Variants in ADAMTS20 observed in about 807,000 individuals in gnomAD.
ADAMTS20 encodes the protein ADAM metallopeptidase with thrombospondin type 1 motif 20.
ADAMTS20 carries 225 observed loss-of-function variants against 260.1 expected under a neutral mutation model. The ratio of observed to expected loss-of-function variants is 0.87; its 90% confidence interval spans 0.78 to 0.97. The LOEUF is 0.97. ADAMTS20 is among the 50% of genes least tolerant of loss of function. ADAMTS20 has a pLI of 0.00. For missense variants in ADAMTS20, 2,400 were observed against 2,337.7 expected, an observed-to-expected ratio of 1.03 and a Z score of -0.55; for synonymous variants, 802 against 769.5, an observed-to-expected ratio of 1.04 and a Z score of -0.70.
At chr12:43,502,805 G>C (rs1209813689) in intron 3 of ADAMTS20, among the ~76,000 whole-genome samples, 1 of 152,030 alleles carries the variant, frequency 6.6e-6, no homozygotes, top group Non-Finnish European at 1.5e-5. Context: ...TTACAGAGTA[G>C]TACCATTTTG....
At chr12:43,375,318 T>C (rs1940199301) in intron 36 of ADAMTS20, 61 bp downstream of exon 36, 7 of 1,551,636 alleles carry the variant, frequency 4.5e-6, no homozygotes, top group Non-Finnish European at 6.1e-6. Flanking sequence ...ACCAACATAT[T>C]GTTTGACGTT....
intron 29 of ADAMTS20, among the ~76,000 whole-genome samples, chr12:43,397,084 T>A (rs2137248889): frequency 6.6e-6 from 1 of 152,236 alleles, no homozygotes; most frequent in Non-Finnish European, 1.5e-5. Flanking sequence ...TCTATCCAGA[T>A]CAAGTAAGGC....
intron 3 of ADAMTS20, among the ~76,000 whole-genome samples, chr12:43,507,082 C>A (rs975928038): frequency 5.3e-5 from 8 of 152,012 alleles, no homozygotes. Context: ...TGGAAATTTG[C>A]TAAGAGAATA....
At chr12:43,353,094 TTC>T (rs1939670085), downstream of ADAMTS20, among the ~76,000 whole-genome samples, 1 of 152,090 alleles carries the variant, frequency 6.6e-6, no homozygotes, top group Non-Finnish European at 1.5e-5. Flanking sequence ...CCGAGTAGAT[TTC>T]CATAGAAAAA....
At chr12:43,384,037 T>C in intron 29 of ADAMTS20, 60 bp from the exon 30 acceptor site, 2 of 1,456,466 alleles carry the variant, frequency 1.4e-6, no homozygotes, top group Non-Finnish European at 1.8e-6. Context: ...TATATAAAAG[T>C]AGCCAATGGA....
chr12:43,447,842 C>T (rs1941791275), intron 14 of ADAMTS20, among the ~76,000 whole-genome samples: 1 of 151,998 alleles, frequency 6.6e-6, no homozygotes, highest in South Asian at 2.1e-4. Context: ...TCCTACACAC[C>T]AATATTAACA....
chr12:43,427,324 T>G lies in ADAMTS20; in HGVS notation c.4091A>C (p.Tyr1364Ser). Reference sequence around the variant, plus strand: ...ATGACTTACTTCTCCCCAATTTCCGTAGTTCCACTGTGGACAAGGCCCTGG... The same window carrying G: ...ATGACTTACTTCTCCCCAATTTCCGGAGTTCCACTGTGGACAAGGCCCTGG... ...CGPGPCPQWN[Y>S]GNWGECSQTC... The change falls in exon 27 of 39, where the codon TAC becomes TCC. Residue 1364 changes from tyrosine (Y) to serine (S), a missense_variant. Transcript: ENST00000389420. 1 of 1,611,964 alleles carries G rather than the reference T, an allele frequency of 6.2e-7. No homozygotes were observed. The highest frequency in any genetic ancestry group is 1.7e-4 in the Middle Eastern group (1 of 6,046).
rs532924212 is a variant in ADAMTS20 at position 43,491,275 on chromosome 12, T to C, written c.1077-840A>G. Among the ~76,000 whole-genome samples, 11 of 152,256 alleles carry C rather than the reference T, an allele frequency of 7.2e-5. No homozygotes were observed. The East Asian group carries it at 1.9e-3, about 27-fold the overall frequency. On this transcript the variant is annotated intron_variant, in intron 6 of 38. Transcript: ENST00000389420. The stretch of plus-strand genomic sequence containing the variant: ...TTTGTAGCCTAGGGCCAGTAGGCTA[T>C]ACCATATTGCCTTGGTGTGTAGTAG...
At chr12:43,389,646 C>T (rs183071519) in intron 29 of ADAMTS20, among the ~76,000 whole-genome samples, 288 of 152,070 alleles carry the variant, frequency 1.9e-3, no homozygotes, top group Middle Eastern at 6.8e-3. Flanking sequence ...ATGGGGGCAG[C>T]TCTGATGCCA....
chr12:43,441,217 ACTC>A (rs1389717858), intron 16 of ADAMTS20, among the ~76,000 whole-genome samples: 2 of 151,700 alleles, frequency 1.3e-5, no homozygotes, highest in African/African-American at 2.4e-5. Flanking sequence ...TCAGAATAAT[ACTC>A]CTATTTCCTT....
chr12:43,382,622 A>G (rs1240538710), intron 31 of ADAMTS20, among the ~76,000 whole-genome samples: 1 of 152,180 alleles, frequency 6.6e-6, no homozygotes, highest in Non-Finnish European at 1.5e-5. Context: ...ATGTGCATAG[A>G]TGTTAGAATT....
At chr12:43,379,239 AC>A (rs1940296496) in intron 31 of ADAMTS20, among the ~76,000 whole-genome samples, 1 of 152,142 alleles carries the variant, frequency 6.6e-6, no homozygotes, top group East Asian at 1.9e-4. Flanking sequence ...TCAATTAAAA[AC>A]CATTGTTTAA....
chr12:43,400,779 T>A (rs925926235), intron 28 of ADAMTS20, among the ~76,000 whole-genome samples: 1 of 151,924 alleles, frequency 6.6e-6, no homozygotes, highest in African/African-American at 2.4e-5. Context: ...CTACTTTGAG[T>A]ATGTACATGT....
At chr12:43,481,398 A>G (rs1942440021) in intron 7 of ADAMTS20, among the ~76,000 whole-genome samples, 1 of 152,256 alleles carries the variant, frequency 6.6e-6, no homozygotes, top group Non-Finnish European at 1.5e-5. Flanking sequence ...ACCTACAGCA[A>G]ATATTTTTCT....
chr12:43,430,508 T>C (rs1486575918), intron 22 of ADAMTS20, 37 bp from the exon 23 acceptor site: 1 of 1,578,762 alleles, frequency 6.3e-7, no homozygotes, highest in South Asian at 1.2e-5. Context: ...AAACATTGTT[T>C]CCCAAAAGTT....
chr12:43,474,147 T>C (rs1159908452), intron 7 of ADAMTS20, among the ~76,000 whole-genome samples: 2 of 149,120 alleles, frequency 1.3e-5, no homozygotes, highest in African/African-American at 5.0e-5. Context: ...TAAAAAATGA[T>C]AAAGGGGATA....
In ADAMTS20 at chr12:43,466,725, G is replaced by A. The variant is rs377317086; in HGVS notation, c.1294C>T (p.Pro432Ser). 1.1e-5 allele frequency: 17 copies of A among 1,610,464 alleles called. 1 individual carries two copies. In the South Asian group the frequency reaches 1.1e-4, roughly 10 times the overall value. ...GGACTCATGTGAAAACTTAAAGCAG[G>A]GGCCATTACATGATACTTTGTAACT... ...MKVTKYHVMA[P>S]ALSFHMSPWS... is the part of the protein sequence containing the mutation. The change falls in exon 9 of 39, where the codon CCT becomes TCT. Residue 432 changes from proline (P) to serine (S), a missense_variant. Pro to Ser is a moderately conservative substitution (Grantham distance 74). Coordinates refer to ENST00000389420, the MANE Select transcript of ADAMTS20 (RefSeq NM_025003.5).
intron 2 of ADAMTS20, among the ~76,000 whole-genome samples, chr12:43,539,554 G>A (rs1166585609): frequency 6.6e-6 from 1 of 152,064 alleles, no homozygotes; most frequent in Non-Finnish European, 1.5e-5. Flanking sequence ...AATTCTACCA[G>A]TGTCTATTTT....
intron 14 of ADAMTS20, among the ~76,000 whole-genome samples, chr12:43,452,025 GA>G (rs1177724963): frequency 4.0e-5 from 6 of 151,828 alleles, no homozygotes; most frequent in African/African-American, 1.5e-4. Flanking sequence ...TTTTGATTAT[GA>G]GTACAATAGA....
Sources: gnomAD v4.1 joint callset for allele counts (sites outside exome capture counted in the v4.1 genomes callset) on GRCh38, gnomAD v4.1.1 for gene constraint, MANE v1.5 for transcripts, NCBI Gene and HGNC (gene_info 2026-07-23, HGNC 2026-07-21) for gene names.